Variants in CPAP observed in about 807,000 individuals in gnomAD.
The protein encoded by CPAP is centrosomal P4.1-associated protein.
the CPAP span, chr13:24,882,663 C>T: frequency 6.4e-6 from 1 of 156,388 alleles, no homozygotes; most frequent in Non-Finnish European, 1.4e-5. Context: ...TATTTATATT[C>T]ATCCACTGTT....
chr13:24,898,003 C>T, the CPAP span, among the ~76,000 whole-genome samples: 5 of 152,184 alleles, frequency 3.3e-5, no homozygotes, highest in Non-Finnish European at 7.3e-5. Context: ...TCAAGTGGTT[C>T]TCCTGCCTCA....
chr13:24,899,483 A>C, the CPAP span: 1 of 1,613,912 alleles, frequency 6.2e-7, no homozygotes, highest in East Asian at 2.2e-5. Context: ...CTTTTCAAAA[A>C]CTTTACGTTC....
At chr13:24,925,183 C>T in the CPAP span, among the ~76,000 whole-genome samples, 1 of 152,134 alleles carries the variant, frequency 6.6e-6, no homozygotes, top group African/African-American at 2.4e-5. Context: ...CACTCTGTTG[C>T]CCAGGCTGGT....
At chr13:24,922,566 G>C in the CPAP span, among the ~76,000 whole-genome samples, 3 of 152,236 alleles carry the variant, frequency 2.0e-5, no homozygotes, top group African/African-American at 7.2e-5. Context: ...AAAGCAGCGC[G>C]AATGAACGAA....
the CPAP span, among the ~76,000 whole-genome samples, chr13:24,916,592 T>C: frequency 3.3e-5 from 5 of 152,226 alleles, no homozygotes; most frequent in African/African-American, 1.2e-4. Flanking sequence ...TGTTTGTTTT[T>C]CACCATTCAA....
At chr13:24,884,085 T>C in the CPAP span, 2 of 1,572,832 alleles carry the variant, frequency 1.3e-6, no homozygotes, top group Non-Finnish European at 1.7e-6. Context: ...AATGTTTTTC[T>C]GTTTAAAAAG....
chr13:24,905,733 T>A, the CPAP span: 3 of 1,614,214 alleles, frequency 1.9e-6, no homozygotes, highest in South Asian at 2.2e-5. Flanking sequence ...CTTTCCATGA[T>A]AGACTCATCG....
chr13:24,886,691 A>G, the CPAP span, among the ~76,000 whole-genome samples: 55,749 of 152,018 alleles, frequency 0.37, 10,528 homozygotes, highest in Admixed American at 0.44. Flanking sequence ...TTATGTGTGC[A>G]AACTAAACTA....
chr13:24,887,671 A>G, the CPAP span, among the ~76,000 whole-genome samples: 2 of 102,188 alleles, frequency 2.0e-5, no homozygotes, highest in Non-Finnish European at 4.4e-5. Context: ...ATTACAATGT[A>G]ATAATATTAG....
At chr13:24,906,075 G>C in the CPAP span, 1 of 1,613,382 alleles carries the variant, frequency 6.2e-7, no homozygotes, top group Non-Finnish European at 8.5e-7. Context: ...AGTTGTTTGG[G>C]TGCGACTTCA....
the CPAP span, chr13:24,883,273 G>T: frequency 3.1e-6 from 5 of 1,613,640 alleles, no homozygotes; most frequent in African/African-American, 6.7e-5. Flanking sequence ...TTGCATATAC[G>T]GTTTTAACAG....
At chr13:24,890,287 T>C in the CPAP span, among the ~76,000 whole-genome samples, 28 of 152,316 alleles carry the variant, frequency 1.8e-4, no homozygotes, top group African/African-American at 6.7e-4. Context: ...CTTTCACCTA[T>C]TCTCTATTTT....
chr13:24,920,263 A>G, the CPAP span, among the ~76,000 whole-genome samples: 2 of 152,364 alleles, frequency 1.3e-5, no homozygotes, highest in East Asian at 3.9e-4. Flanking sequence ...TAGTTGTTAC[A>G]ATTGTTCAGT....
At chr13:24,886,168 T>TA in the CPAP span, 5 of 531,242 alleles carry the variant, frequency 9.4e-6, no homozygotes, top group South Asian at 7.8e-5. Context: ...AATCTCTCTC[T>TA]AAAAATACAC....
the CPAP span, among the ~76,000 whole-genome samples, chr13:24,892,454 C>T: frequency 6.6e-6 from 1 of 152,150 alleles, no homozygotes. Flanking sequence ...GTAGTGCAAC[C>T]ATCGCCCTCC....
At chr13:24,890,924 G>T in the CPAP span, among the ~76,000 whole-genome samples, 1 of 151,840 alleles carries the variant, frequency 6.6e-6, no homozygotes, top group African/African-American at 2.4e-5. Context: ...CCTCTCCACT[G>T]AGTCAGTCCA....
chr13:24,905,509 T>C, the CPAP span: 1 of 1,614,184 alleles, frequency 6.2e-7, no homozygotes, highest in Non-Finnish European at 8.5e-7. Context: ...TCTTGACTGG[T>C]GCAATCTTCC....
the CPAP span, among the ~76,000 whole-genome samples, chr13:24,904,885 C>T: frequency 6.6e-6 from 1 of 152,294 alleles, no homozygotes; most frequent in South Asian, 2.1e-4. Context: ...AGAAATACTA[C>T]ACATCCGTTA....
At chr13:24,922,442 C>CT in the CPAP span, among the ~76,000 whole-genome samples, 9,918 of 152,318 alleles carry the variant, frequency 0.065, 1,074 homozygotes, top group African/African-American at 0.23. Context: ...CTTCACCACC[C>CT]TGCTCCAGCG....
Sources: allele counts gnomAD v4.1 joint callset (sites outside exome capture counted in the v4.1 genomes callset), GRCh38; gene constraint gnomAD v4.1.1; transcripts MANE v1.5; gene names NCBI Gene and HGNC (gene_info 2026-07-23, HGNC 2026-07-21).